Variants in ASIP observed in about 807,000 individuals in gnomAD.
ASIP encodes the protein agouti signaling protein.
A neutral mutation model predicts 10.3 loss-of-function variants in ASIP; 11 were observed. The observed-to-expected ratio is 1.07, with a 90% CI of 0.68 to 1.78. The LOEUF is 1.78. ASIP is among the 40% of genes most tolerant of loss of function. The pLI is 0.00. For missense variants in ASIP, 180 were observed against 169.2 expected (o/e 1.06, Z -0.35); for synonymous variants, 70 against 70.8 (o/e 0.99, Z 0.06).
upstream of ASIP, among the ~76,000 whole-genome samples, chr20:34,193,148 C>T (rs566826103): frequency 6.6e-6 from 1 of 152,334 alleles, no homozygotes; most frequent in African/African-American, 2.4e-5. Context: ...AAATAACTTT[C>T]CAACTGGGTA....
At chr20:34,201,013 CTTCCTTCTTTCT>C (rs775758756) in intron 1 of ASIP, among the ~76,000 whole-genome samples, 36 of 55,292 alleles carry the variant, frequency 6.5e-4, no homozygotes, top group East Asian at 5.4e-4. Context: ...TCCTTCCTTC[CTTCCTTCTTTCT>C]TTCTTTCTTT....
intron 1 of ASIP, chr20:34,213,511 T>G: frequency 1.4e-6 from 2 of 1,473,080 alleles, no homozygotes; most frequent in Non-Finnish European, 1.8e-6. Flanking sequence ...AGCAGCAGAC[T>G]GGTCATTTTC....
chr20:34,243,619 A>G lies in ASIP; in HGVS notation c.-11+2130A>G, dbSNP rs556103327. Among the ~76,000 whole-genome samples, 3 of 152,278 alleles carry G rather than the reference A, an allele frequency of 2.0e-5. No homozygotes were observed. The South Asian group carries it at 6.2e-4, about 32-fold the overall frequency. On this transcript the variant is annotated intron_variant, in intron 1 of 3. Transcript: ENST00000374954. Reference sequence around the variant, plus strand: ...ATCTGCCAGCACCAACAGAATACATATGTAACACATACCAGATAGTCTCGA... The same window carrying G: ...ATCTGCCAGCACCAACAGAATACATGTGTAACACATACCAGATAGTCTCGA...
At chr20:34,236,933 C>T (rs571449147), upstream of ASIP, among the ~76,000 whole-genome samples, 78 of 152,254 alleles carry the variant, frequency 5.1e-4, no homozygotes, top group Middle Eastern at 6.8e-3. Flanking sequence ...TAGATATCCA[C>T]TTTTCCTAGT....
chr20:34,251,432 G>A (rs1286474626), intron 1 of ASIP, among the ~76,000 whole-genome samples: 2 of 151,734 alleles, frequency 1.3e-5, no homozygotes, highest in Non-Finnish European at 2.9e-5. Flanking sequence ...CACCACGCCC[G>A]GCTGATTTTT....
intron 1 of ASIP, among the ~76,000 whole-genome samples, chr20:34,258,005 G>A (rs998040392): frequency 2.0e-5 from 3 of 152,012 alleles, no homozygotes; most frequent in Admixed American, 6.6e-5. Flanking sequence ...TTAGCTGGGC[G>A]TGGTGGCAAG....
chr20:34,218,854 G>A (rs944123327), intron 1 of ASIP, among the ~76,000 whole-genome samples: 2 of 151,928 alleles, frequency 1.3e-5, no homozygotes, highest in African/African-American at 2.4e-5. Flanking sequence ...TAGTAGAGAC[G>A]GGGTTTCACC....
chr20:34,240,169 A>C (rs1219551846), upstream of ASIP, among the ~76,000 whole-genome samples: 2 of 152,222 alleles, frequency 1.3e-5, no homozygotes, highest in African/African-American at 4.8e-5. Context: ...AGAAAAAAGA[A>C]GCATTTGGGA....
chr20:34,226,972 T>C (rs181442407), intron 1 of ASIP, among the ~76,000 whole-genome samples: 12 of 152,250 alleles, frequency 7.9e-5, no homozygotes, highest in African/African-American at 2.9e-4. Context: ...TCTATTGAAC[T>C]CTCTACTGGA....
intron 2 of ASIP, 152 bp from the exon 3 acceptor site, chr20:34,262,680 C>CT: frequency 1.3e-6 from 1 of 758,884 alleles, no homozygotes; most frequent in Admixed American, 2.3e-5. Context: ...CAAGAACCTA[C>CT]TGGCTTGAGT....
At chr20:34,261,529 G>A (rs992480325) in intron 2 of ASIP, among the ~76,000 whole-genome samples, 2 of 152,180 alleles carry the variant, frequency 1.3e-5, no homozygotes, top group African/African-American at 4.8e-5. Context: ...AGCTACTTGG[G>A]AGGCTGAGGC....
intron 1 of ASIP, among the ~76,000 whole-genome samples, chr20:34,251,087 G>A (rs1032029294): frequency 1.3e-5 from 2 of 152,078 alleles, no homozygotes; most frequent in Non-Finnish European, 2.9e-5. Flanking sequence ...CCTCATTGCT[G>A]TTACTACTCA....
chr20:34,233,297 A>C (rs1248419686), intron 1 of ASIP, among the ~76,000 whole-genome samples: 1 of 151,698 alleles, frequency 6.6e-6, no homozygotes, highest in Non-Finnish European at 1.5e-5. Flanking sequence ...ACAGGCACCC[A>C]CCACCATGCC....
chr20:34,235,835 A>AGG lies in ASIP; in HGVS notation c.-10-24530_-10-24529insGG, dbSNP rs1568755886. On this transcript the variant is annotated intron_variant, in intron 1 of 3. Coordinates refer to the ASIP transcript ENST00000568305. ...AAAGAAAGAAAGAAAGAAAGAAAGA[A>AGG]AGAAAGAAGGAAGGAAGGAAGGAAG... Among the ~76,000 whole-genome samples the AGG allele has an allele frequency of 7.4e-5, 5 of 67,740 alleles. No individual in the cohort carries two copies. In the African/African-American group the frequency reaches 8.0e-4, roughly 11 times the overall value. The allele number at this position is 67,740 out of a possible 152,430, so 44.4% of individuals were successfully genotyped here.
intron 1 of ASIP, chr20:34,245,984 C>G: frequency 8.0e-7 from 1 of 1,250,540 alleles, no homozygotes; most frequent in Non-Finnish European, 1.2e-6. Context: ...ATCTTTGATG[C>G]TGTCATCATC....
At chr20:34,207,311 C>A (rs1214750208) in intron 1 of ASIP, among the ~76,000 whole-genome samples, 2 of 152,148 alleles carry the variant, frequency 1.3e-5, no homozygotes. Flanking sequence ...GTGATATTGA[C>A]TATTTACTCA....
At chr20:34,232,157 T>C (rs2035126000) in intron 1 of ASIP, among the ~76,000 whole-genome samples, 1 of 152,212 alleles carries the variant, frequency 6.6e-6, no homozygotes, top group Admixed American at 6.5e-5. Context: ...CCACATTTTA[T>C]AGAAAGCAGT....
chr20:34,214,422 A>G, intron 1 of ASIP: 1 of 1,485,756 alleles, frequency 6.7e-7, no homozygotes, highest in South Asian at 1.1e-5. Flanking sequence ...AGTTCGCATC[A>G]TACCCTGCAA....
chr20:34,264,341 G>A (rs937087353), intron 3 of ASIP, among the ~76,000 whole-genome samples: 7 of 152,176 alleles, frequency 4.6e-5, no homozygotes, highest in Admixed American at 3.9e-4. Flanking sequence ...TTGCGAGTAC[G>A]TGCTTACAAC....
Sources: gnomAD v4.1 joint callset for allele counts (sites outside exome capture counted in the v4.1 genomes callset) on GRCh38, gnomAD v4.1.1 for gene constraint, MANE v1.5 for transcripts, NCBI Gene and HGNC (gene_info 2026-07-23, HGNC 2026-07-21) for gene names.